The following FOXP1 variants were observed in gnomAD, a reference collection of about 807,000 sequenced individuals.
The protein encoded by FOXP1 is forkhead box protein P1.
FOXP1 carries 15 observed loss-of-function variants against 98.2 expected under a neutral mutation model. The observed-to-expected ratio is 0.15, with a 90% CI of 0.10 to 0.24. FOXP1 has a LOEUF of 0.24. Among genes scored for constraint, FOXP1 ranks in the 10% least tolerant of loss-of-function variants. The pLI is 1.00. For missense variants in FOXP1, 633 were observed against 848.5 expected (o/e 0.75, Z 3.15); for synonymous variants, 371 against 314.5 (o/e 1.18, Z -1.90).
At chr3:71,466,953 T>C (rs905790583) in intron 3 of FOXP1, among the ~76,000 whole-genome samples, 2 of 152,158 alleles carry the variant, frequency 1.3e-5, no homozygotes, top group Non-Finnish European at 2.9e-5. Context: ...TTAGCTTCAA[T>C]GGGAAAACTC....
chr3:71,308,883 A>G (rs1332086124), intron 4 of FOXP1, among the ~76,000 whole-genome samples: 1 of 151,946 alleles, frequency 6.6e-6, no homozygotes, highest in East Asian at 1.9e-4. Flanking sequence ...TACATGCATT[A>G]GAACATCTTA....
At chr3:71,173,263 A>G (rs1560061604) in intron 6 of FOXP1, among the ~76,000 whole-genome samples, 2 of 152,084 alleles carry the variant, frequency 1.3e-5, no homozygotes, top group Non-Finnish European at 2.9e-5. Flanking sequence ...ATATTTCATG[A>G]GACTGTCTCA....
chr3:71,303,731 CAAA>C (rs751770835), intron 4 of FOXP1, among the ~76,000 whole-genome samples: 1 of 134,534 alleles, frequency 7.4e-6, no homozygotes, highest in Non-Finnish European at 1.6e-5. Context: ...AGTAAGATTT[CAAA>C]AAAGAAAAGA....
intron 2 of FOXP1, among the ~76,000 whole-genome samples, chr3:71,535,118 AG>A (rs2044183881): frequency 1.3e-5 from 2 of 152,330 alleles, no homozygotes; most frequent in African/African-American, 4.8e-5. Flanking sequence ...CGGGAGCAAA[AG>A]GAGCTGAAAA....
At chr3:70,972,753 A>AT in intron 17 of FOXP1, 77 bp from the exon 18 acceptor site, 1 of 1,458,480 alleles carries the variant, frequency 6.9e-7, no homozygotes, top group South Asian at 1.2e-5. Context: ...AATTCAGCCT[A>AT]ACAGTCCACA....
At chr3:71,166,852 TATATGTTCTTGACG>T (rs113387274) in intron 6 of FOXP1, among the ~76,000 whole-genome samples, 1,812 of 152,246 alleles carry the variant, frequency 0.012, 32 homozygotes, top group African/African-American at 0.04. Flanking sequence ...TGTCTACATA[TATATGTTCTTGACG>T]ATCCTTCTGA....
At position 71,435,250 on chromosome 3, in the gene FOXP1, G is replaced by GGA. The variant is rs201295356; in HGVS notation, c.-168+58175_-168+58176insTC. The stretch of plus-strand genomic sequence containing the variant: ...AAGGAAGGAAGAAGGGAGGAAGGAA[G>GGA]AGAGGGAGGGAGGGAGGGAGGGAAG... On this transcript the variant is annotated intron_variant, in intron 3 of 20. Coordinates refer to ENST00000649528, the MANE Select transcript of FOXP1 (RefSeq NM_001349338.3). Among the ~76,000 whole-genome samples, 42 of 6,654 alleles carry GGA rather than the reference G, an allele frequency of 6.3e-3. 7 individuals are homozygous for GGA. The highest frequency in any genetic ancestry group is 0.021 in the African/African-American group (35 of 1,686). The allele number at this position is 6,654 out of a possible 152,430, so 4.4% of individuals were successfully genotyped here. A position where few individuals can be genotyped will look rare whatever the true frequency, so the allele number is the denominator to read the frequency against.
At chr3:71,583,291 C>A (rs2048335511) in intron 1 of FOXP1, among the ~76,000 whole-genome samples, 1 of 152,058 alleles carries the variant, frequency 6.6e-6, no homozygotes, top group Non-Finnish European at 1.5e-5. Context: ...GTGCGGGCGC[C>A]GCCGGAGCTC....
In FOXP1 at chr3:70,957,880, C is replaced by T. The variant is rs115317886; in HGVS notation, c.*1367G>A. 15 of 234,314 alleles carry T rather than the reference C, an allele frequency of 6.4e-5. No individual in the cohort carries two copies. The highest frequency in any genetic ancestry group is 2.4e-4 in the African/African-American group (11 of 45,400). The allele number at this position is 234,314 out of a possible 1,614,324, so 14.5% of individuals were successfully genotyped here. A position where few individuals can be genotyped will look rare whatever the true frequency, so the allele number is the denominator to read the frequency against. On this transcript the variant is annotated 3_prime_UTR_variant, in exon 21 of 21. Coordinates refer to ENST00000649528, the MANE Select transcript of FOXP1 (RefSeq NM_001349338.3). ...TCCCTTAACAAGTTCAATCTGAAAT[C>T]GAATTTGCATTCAAACAGTTTAATG...
At chr3:71,001,837 G>C (rs559865826) in intron 12 of FOXP1, among the ~76,000 whole-genome samples, 89 of 152,222 alleles carry the variant, frequency 5.8e-4, no homozygotes, top group Non-Finnish European at 1.2e-3. Context: ...AAAGCCTAAA[G>C]TCTTGAAAAT....
At chr3:71,445,689 C>CT (rs112723777) in intron 3 of FOXP1, among the ~76,000 whole-genome samples, 334 of 142,222 alleles carry the variant, frequency 2.3e-3, no homozygotes, top group Non-Finnish European at 3.7e-3. Flanking sequence ...ATATTTATAC[C>CT]TTTTTTTTTT....
chr3:71,158,111 G>GGAAGGAAGGGAGGAAGGGAGGGAGGGAA (rs1560038283), intron 6 of FOXP1, among the ~76,000 whole-genome samples: 2 of 57,968 alleles, frequency 3.5e-5, no homozygotes, highest in Admixed American at 1.8e-4. Flanking sequence ...AAGGAAGGGA[G>GGAAGGAAGGGAGGAAGGGAGGGAGGGAA]GGAGGGAGGG....
chr3:71,052,060 G>A (rs889900545), intron 9 of FOXP1, among the ~76,000 whole-genome samples: 11 of 152,226 alleles, frequency 7.2e-5, no homozygotes, highest in South Asian at 2.1e-4. Flanking sequence ...AACAAAAGAT[G>A]TGGATGTTTA....
At chr3:71,455,986 C>T (rs2087453822) in intron 3 of FOXP1, among the ~76,000 whole-genome samples, 1 of 152,114 alleles carries the variant, frequency 6.6e-6, no homozygotes. Context: ...ACATTAATAA[C>T]ACAATGAAGC....
chr3:70,956,812 A>G lies in FOXP1; in HGVS notation c.*2435T>C, dbSNP rs2031947919. 1 of 182,680 alleles carries G rather than the reference A, an allele frequency of 5.5e-6. No homozygotes were observed. The highest frequency in any genetic ancestry group is 2.6e-5 in the African/African-American group (1 of 37,766). 11.3% of individuals were successfully genotyped at this position (182,680 alleles called of 1,614,324 possible). On this transcript the variant is annotated 3_prime_UTR_variant, in exon 21 of 21. Transcript: ENST00000649528. ...ACCACAGACTGCCCTTTATACAGAA[A>G]GCAGAGTGAAGCTTCAAAAGTAACT...
chr3:71,370,680 C>T (rs2079234087), intron 3 of FOXP1, among the ~76,000 whole-genome samples: 1 of 152,090 alleles, frequency 6.6e-6, no homozygotes, highest in South Asian at 2.1e-4. Flanking sequence ...GTCTTTTCTG[C>T]CACTATCTGC....
intron 7 of FOXP1, among the ~76,000 whole-genome samples, chr3:71,087,615 A>T (rs1397648127): frequency 2.6e-5 from 4 of 152,206 alleles, no homozygotes; most frequent in Non-Finnish European, 5.9e-5. Flanking sequence ...AAAACAGGAT[A>T]CTATTTAAAT....
At chr3:71,153,401 T>C (rs1048787736) in intron 6 of FOXP1, among the ~76,000 whole-genome samples, 23 of 152,142 alleles carry the variant, frequency 1.5e-4, no homozygotes, top group Non-Finnish European at 2.9e-4. Flanking sequence ...GGTTTGCAGC[T>C]ATTTCCTCCT....
chr3:71,161,304 A>G (rs2061122790), intron 6 of FOXP1, among the ~76,000 whole-genome samples: 1 of 152,198 alleles, frequency 6.6e-6, no homozygotes, highest in Non-Finnish European at 1.5e-5. Flanking sequence ...ATGCAGCTGC[A>G]TTCAGCTGGT....
Sources: gnomAD v4.1 joint callset for allele counts (sites outside exome capture counted in the v4.1 genomes callset) on GRCh38, gnomAD v4.1.1 for gene constraint, MANE v1.5 for transcripts, NCBI Gene and HGNC (gene_info 2026-07-23, HGNC 2026-07-21) for gene names.